Variants in NUB1 observed in about 807,000 individuals in gnomAD.
NUB1 encodes negative regulator of ubiquitin like proteins 1.
In NUB1, 41 loss-of-function variants were observed where a neutral mutation model predicts 77.1. That is an observed-to-expected ratio of 0.53 (90% CI 0.41 to 0.69). The LOEUF (loss-of-function observed/expected upper bound fraction) is 0.69, where lower values mean the gene tolerates loss of function less well. Ranked by LOEUF, NUB1 falls within the 30% of genes least tolerant of loss-of-function variation. NUB1 has a pLI of 0.00. For synonymous variants in NUB1, 257 were observed against 281.0 expected, an observed-to-expected ratio of 0.91 and a Z score of 0.85; for missense variants, 643 against 743.8, an observed-to-expected ratio of 0.86 and a Z score of 1.58.
At chr7:151,365,014 CAG>C (rs1284799592) in intron 8 of NUB1, among the ~76,000 whole-genome samples, 1 of 147,986 alleles carries the variant, frequency 6.8e-6, no homozygotes, top group East Asian at 1.9e-4. Context: ...TCTTTAGAGA[CAG>C]AGTCTCTATG....
At chr7:151,371,159 G>A (rs746234176) in intron 11 of NUB1, among the ~76,000 whole-genome samples, 2 of 152,198 alleles carry the variant, frequency 1.3e-5, no homozygotes, top group East Asian at 1.9e-4. Context: ...CCCAACAGAT[G>A]TTGTTAGTTA....
At position 151,341,855 on chromosome 7, in the gene NUB1, A is replaced by T; in HGVS notation, c.-3+9A>T. ...GGAGTGGCGTGGCGCAGGTGAGGAC[A>T]CGGCGGCCGAGTGTCCTCGACCCCA... On this transcript the variant is annotated intron_variant, in intron 1 of 14. Coordinates refer to ENST00000568733, the MANE Select transcript of NUB1 (RefSeq NM_001243351.2). 1 of 1,498,174 alleles carries T rather than the reference A, an allele frequency of 6.7e-7. No homozygotes were observed. The highest frequency in any genetic ancestry group is 8.8e-7 in the Non-Finnish European group (1 of 1,133,066). 92.8% of individuals were successfully genotyped at this position (1,498,174 alleles called of 1,614,324 possible). A position where few individuals can be genotyped will look rare whatever the true frequency, so the allele number is the denominator to read the frequency against.
intron 2 of NUB1, 146 bp downstream of exon 2, chr7:151,345,612 C>G: frequency 1.9e-6 from 1 of 519,068 alleles, no homozygotes; most frequent in Non-Finnish European, 3.5e-6. Context: ...TTACTAGGAA[C>G]TGACAACCTT....
chr7:151,350,284 T>C (rs1469475021), intron 3 of NUB1, among the ~76,000 whole-genome samples: 1 of 152,198 alleles, frequency 6.6e-6, no homozygotes, highest in African/African-American at 2.4e-5. Flanking sequence ...GCCTGACTAA[T>C]GTCAGGCCTT....
At chr7:151,348,838 G>A (rs1796643059) in intron 2 of NUB1, among the ~76,000 whole-genome samples, 1 of 151,940 alleles carries the variant, frequency 6.6e-6, no homozygotes, top group Non-Finnish European at 1.5e-5. Context: ...GCCTCCCAAA[G>A]TGCTGGGATT....
At chr7:151,361,768 G>T (rs1797391845) in intron 8 of NUB1, among the ~76,000 whole-genome samples, 1 of 152,090 alleles carries the variant, frequency 6.6e-6, no homozygotes, top group Non-Finnish European at 1.5e-5. Flanking sequence ...GAGGGGAGGG[G>T]CCGGGCTGGG....
At chr7:151,344,528 A>G (rs1796387902) in intron 1 of NUB1, among the ~76,000 whole-genome samples, 1 of 150,756 alleles carries the variant, frequency 6.6e-6, no homozygotes, top group Non-Finnish European at 1.5e-5. Context: ...CACCATGTTG[A>G]CCAGGCTGGT....
chr7:151,374,246 A>G lies in NUB1; in HGVS notation c.1395+3A>G, dbSNP rs1798100244. ...GGAACTTGGATGAGGCCCTGAAGGT[A>G]GCAGCTCCCTCGGGGCCTCTGGCCT... On this transcript the variant is annotated splice_donor_region_variant and intron_variant, in intron 12 of 14. Coordinates refer to ENST00000568733, the MANE Select transcript of NUB1 (RefSeq NM_001243351.2). The G allele has an allele frequency of 6.4e-7, 1 of 1,553,002 alleles. No homozygotes were observed. Among genetic ancestry groups the G allele is most frequent in the Non-Finnish European group, 8.7e-7 (1 of 1,147,930 alleles).
In NUB1 at chr7:151,344,870, CAT is replaced by C. The variant is rs1180068414; in HGVS notation, c.-2-477_-2-476del. Among the ~76,000 whole-genome samples the C allele has an allele frequency of 5.3e-4, 81 of 152,178 alleles. 2 individuals carry two copies. In the East Asian group the frequency reaches 9.3e-3, roughly 18 times the overall value. ...TGAAAATTAGCCGGGCGTGGTGGCGCATGCCTGTAATCCCAGTGAGTAGGGAG... is the reference window on the plus strand; with the variant it reads ...TGAAAATTAGCCGGGCGTGGTGGCGCGCCTGTAATCCCAGTGAGTAGGGAG... On this transcript the variant is annotated intron_variant, in intron 1 of 14. Coordinates refer to ENST00000568733, the MANE Select transcript of NUB1 (RefSeq NM_001243351.2).
Position 151,345,364 on chromosome 7 carries a change from A to T in NUB1, c.15A>T (p.Lys5Asn). 3 of 1,610,906 alleles carry T rather than the reference A, an allele frequency of 1.9e-6. No homozygotes were observed. Among genetic ancestry groups the T allele is most frequent in the Non-Finnish European group, 1.7e-6 (2 of 1,177,694 alleles). Reference protein sequence around the residue: MAQKKYLQAKLTQFL... With the variant: MAQKNYLQAKLTQFL... ...TGCTTTCAGGGATGGCACAAAAGAA[A>T]TATCTTCAAGCAAAATTGACCCAGT... Residue 5 changes from lysine (K) to asparagine (N), a missense_variant, in exon 2 of 15, where the codon AAA becomes AAT. Lys to Asn is a moderately conservative substitution (Grantham distance 94, BLOSUM62 0). Coordinates refer to ENST00000568733, the MANE Select transcript of NUB1 (RefSeq NM_001243351.2).
chr7:151,370,194 C>G (rs996721985), intron 11 of NUB1, among the ~76,000 whole-genome samples: 1 of 151,718 alleles, frequency 6.6e-6, no homozygotes, highest in African/African-American at 2.4e-5. Context: ...TCAAGTGATT[C>G]TTCTGCCTTA....
Position 151,344,995 on chromosome 7 carries a change from G to A in NUB1, c.-2-353G>A, listed in dbSNP as rs183753569. Among the ~76,000 whole-genome samples the A allele has an allele frequency of 2.4e-4, 37 of 151,924 alleles. No individual in the cohort carries two copies. In the East Asian group the frequency reaches 2.7e-3, roughly 11 times the overall value. ...AGCCTGGGCGACAGAGCGAGACTCC[G>A]TCTCAAAAAAGAAAAAAAGAAGTTC... On this transcript the variant is annotated intron_variant, in intron 1 of 14. Transcript: ENST00000568733.
rs868105409 is a variant in NUB1 at position 151,377,089 on chromosome 7, C to T, written c.1712C>T (p.Ala571Val). 6.3e-7 allele frequency: 1 copy of T among 1,578,776 alleles called. No homozygotes were observed. The highest frequency in any genetic ancestry group is 2.3e-5 in the East Asian group (1 of 43,798). ...ASTDEDMETEAVNEILEDIPE... is the reference protein window; with the variant it reads ...ASTDEDMETEVVNEILEDIPE... ...ACAGACGAAGACATGGAGACAGAGG[C>T]CGTCAATGAGATACTGGAAGACATT... Residue 571 changes from alanine (A) to valine (V), a missense_variant, in exon 15 of 15, where the codon GCC becomes GTC. By Grantham distance (64) the Ala-to-Val change is moderately conservative. Transcript: ENST00000568733.
At chr7:151,354,964 G>A (rs1160047693) in intron 5 of NUB1, among the ~76,000 whole-genome samples, 1 of 152,182 alleles carries the variant, frequency 6.6e-6, no homozygotes, top group Non-Finnish European at 1.5e-5. Context: ...GGCTGATCTT[G>A]AACTCCGGGG....
In NUB1 at chr7:151,375,983, C is replaced by T. The variant is rs369641442; in HGVS notation, c.1491+40C>T. ...TTTGTGCCCTCAGCTTGGACAGCCTCGGGTGGGGTTGCTTGGGGTAACCCG... is the reference window on the plus strand; with the variant it reads ...TTTGTGCCCTCAGCTTGGACAGCCTTGGGTGGGGTTGCTTGGGGTAACCCG... On this transcript the variant is annotated intron_variant, in intron 13 of 14. Transcript: ENST00000568733. 135 of 1,364,850 alleles carry T rather than the reference C, an allele frequency of 9.9e-5. 2 individuals carry two copies. In the Middle Eastern group the frequency reaches 1.1e-3, roughly 11 times the overall value. The allele number at this position is 1,364,850 out of a possible 1,614,324, so 84.5% of individuals were successfully genotyped here.
chr7:151,377,147 T>A lies in NUB1; in HGVS notation c.1770T>A (p.Thr590=). The part of the protein sequence containing the change: ...PEHEEDYLDS[T]LEDEEIIIAE... ...ATGAGGAAGACTATCTTGACTCAAC[T>A]CTGGAAGATGAAGAAATTATTATTG... is the stretch of plus-strand genomic sequence containing the variant. Residue 590 remains threonine, a synonymous_variant, in exon 15 of 15, where the codon ACT becomes ACA. Transcript: ENST00000568733. The A allele has an allele frequency of 6.3e-7, 1 of 1,590,010 alleles. No individual in the cohort carries two copies. Among genetic ancestry groups the A allele is most frequent in the Non-Finnish European group, 8.6e-7 (1 of 1,167,070 alleles).
chr7:151,358,155 A>G (rs1292175658), intron 7 of NUB1, among the ~76,000 whole-genome samples: 5 of 151,554 alleles, frequency 3.3e-5, no homozygotes, highest in South Asian at 2.1e-4. Flanking sequence ...TTGTATTTTT[A>G]GTAGAGACGG....
intron 7 of NUB1, among the ~76,000 whole-genome samples, chr7:151,359,159 C>G (rs1001836597): frequency 2.0e-5 from 3 of 151,730 alleles, no homozygotes; most frequent in Non-Finnish European, 1.5e-5. Context: ...GAAAGTGAGG[C>G]CGGGCACGGT....
rs775484736 is a variant in NUB1, at chr7:151,368,754, A to T, written c.1115A>T (p.Glu372Val). The change falls in exon 11 of 15, where the codon GAG becomes GTG. Residue 372 changes from glutamate to valine, a missense_variant. Glu to Val is a moderately radical substitution (Grantham distance 121, BLOSUM62 -2). Coordinates refer to ENST00000568733, the MANE Select transcript of NUB1 (RefSeq NM_001243351.2). Reference protein sequence around the residue: ...YLNKARQLFKELYIDPSKVDN... With the variant: ...YLNKARQLFKVLYIDPSKVDN... ...CTCTAGGCACGTCAGCTCTTTAAAG[A>T]GCTATATATTGATCCATCAAAAGTG... 1.2e-6 allele frequency: 2 copies of T among 1,609,664 alleles called. No homozygotes were observed. The highest frequency in any genetic ancestry group is 8.5e-7 in the Non-Finnish European group (1 of 1,178,102).
Sources: allele counts gnomAD v4.1 joint callset (sites outside exome capture counted in the v4.1 genomes callset), GRCh38; gene constraint gnomAD v4.1.1; transcripts MANE v1.5; gene names NCBI Gene and HGNC (gene_info 2026-07-23, HGNC 2026-07-21).